Variants in NFASC observed in about 807,000 individuals in gnomAD.
NFASC encodes neurofascin.
In NFASC, 43 loss-of-function variants were observed where a neutral mutation model predicts 147.5. The observed-to-expected ratio is 0.29, with a 90% CI of 0.23 to 0.38. NFASC has a LOEUF of 0.38. Among genes scored for constraint, NFASC ranks in the 10% least tolerant of loss-of-function variants. NFASC has a pLI of 1.00. For missense variants in NFASC, 1,320 were observed against 1,689.0 expected (o/e 0.78, Z 3.83); for synonymous variants, 622 against 665.5 (o/e 0.93, Z 1.01).
In NFASC at chr1:204,975,446, G is replaced by A. The variant is rs368589373; in HGVS notation, c.1706+28G>A. Reference sequence around the variant, plus strand: ...TTCTCTTCCCCCTTCCCCCTTCCTAGTGCTAGTTTGAGGCGCATTTTCTTT... The same window carrying A: ...TTCTCTTCCCCCTTCCCCCTTCCTAATGCTAGTTTGAGGCGCATTTTCTTT... On this transcript the variant is annotated intron_variant, in intron 15 of 29. Transcript: ENST00000339876. This position sits in a 1 kb window ranked among gnomAD's most constrained non-coding sequence, Gnocchi z 4.0. The A allele has an allele frequency of 1.9e-6, 3 of 1,594,720 alleles. No homozygotes were observed. Among genetic ancestry groups the A allele is most frequent in the Middle Eastern group, 1.7e-4 (1 of 6,000 alleles).
intron 1 of NFASC, among the ~76,000 whole-genome samples, chr1:204,914,148 C>G (rs1437289214): frequency 2.6e-5 from 4 of 152,122 alleles, no homozygotes; most frequent in African/African-American, 9.7e-5. Flanking sequence ...AAAGAAGTTC[C>G]TTCAAACTGA....
At chr1:204,917,604 A>C (rs2089552805) in intron 1 of NFASC, among the ~76,000 whole-genome samples, 1 of 152,218 alleles carries the variant, frequency 6.6e-6, no homozygotes, top group Admixed American at 6.5e-5. Flanking sequence ...TCATAGATTT[A>C]AACACATTTG....
Position 204,922,096 on chromosome 1 carries a change from A to G in NFASC, c.-91+1356A>G, listed in dbSNP as rs114048345. Among the ~76,000 whole-genome samples the G allele has an allele frequency of 3.1e-3, 472 of 152,268 alleles. 2 individuals are homozygous for G. The highest frequency in any genetic ancestry group is 0.011 in the African/African-American group (453 of 41,544). ...GTATGATTGCAAAAGCGGTGTACCC[A>G]TTTATTTAAACGGGTACGAAGTATA... On this transcript the variant is annotated intron_variant, in intron 2 of 29. Transcript: ENST00000339876.
At chr1:204,844,554 C>T (rs1676394157) in intron 1 of NFASC, among the ~76,000 whole-genome samples, 1 of 152,164 alleles carries the variant, frequency 6.6e-6, no homozygotes, top group African/African-American at 2.4e-5. Context: ...GCCAGGCATC[C>T]ATGCATGGTA....
At chr1:204,835,901 T>C (rs914062438) in intron 1 of NFASC, among the ~76,000 whole-genome samples, 1 of 152,188 alleles carries the variant, frequency 6.6e-6, no homozygotes, top group African/African-American at 2.4e-5. Flanking sequence ...ATTGATCAGA[T>C]GCTAAGTTTT....
chr1:204,980,173 C>G (rs911860837), intron 19 of NFASC, among the ~76,000 whole-genome samples, 197 bp from the exon 20 acceptor site: 1 of 152,244 alleles, frequency 6.6e-6, no homozygotes, highest in Admixed American at 6.5e-5. Context: ...TAGCCCTGCT[C>G]TGGGAGTTTA....
At chr1:204,944,028 C>G (rs1278945232) in intron 2 of NFASC, among the ~76,000 whole-genome samples, 198 bp from the exon 3 acceptor site, 1 of 152,194 alleles carries the variant, frequency 6.6e-6, no homozygotes, top group African/African-American at 2.4e-5. Context: ...AAACATCTTA[C>G]AATACCCAGG....
At chr1:204,831,481 GAGAC>G (rs1672217221) in intron 1 of NFASC, among the ~76,000 whole-genome samples, 1 of 151,870 alleles carries the variant, frequency 6.6e-6, no homozygotes, top group African/African-American at 2.4e-5. Context: ...TGGTGAGTGA[GAGAC>G]AGGATGCCAA....
chr1:204,926,330 G>GT (rs1247132992), intron 2 of NFASC, among the ~76,000 whole-genome samples: 4 of 131,936 alleles, frequency 3.0e-5, no homozygotes, highest in Admixed American at 8.1e-5. Context: ...AAGTATCACA[G>GT]TTTTTTTTCT....
intron 1 of NFASC, among the ~76,000 whole-genome samples, chr1:204,905,956 G>A (rs1558050113): frequency 6.6e-6 from 1 of 152,178 alleles, no homozygotes; most frequent in African/African-American, 2.4e-5. Context: ...TTGAATGAGT[G>A]TAAATTGGTT....
intron 1 of NFASC, among the ~76,000 whole-genome samples, chr1:204,875,053 A>G (rs952624445): frequency 4.0e-5 from 6 of 151,384 alleles, no homozygotes; most frequent in African/African-American, 1.5e-4. Context: ...AGGAAAGTCA[A>G]GATTTGAGTG....
At chr1:204,846,958 T>C (rs983492886) in intron 1 of NFASC, among the ~76,000 whole-genome samples, 6 of 151,338 alleles carry the variant, frequency 4.0e-5, no homozygotes, top group African/African-American at 1.5e-4. Flanking sequence ...TACGCGTGTG[T>C]GTGTGTGTGT....
rs2095083537 is a variant in NFASC at position 204,968,635 on chromosome 1, T to A, written c.819-163T>A. 2 of 665,096 alleles carry A rather than the reference T, an allele frequency of 3.0e-6. No homozygotes were observed. Among genetic ancestry groups the A allele is most frequent in the Non-Finnish European group, 2.5e-6 (1 of 394,530 alleles). 41.2% of individuals were successfully genotyped at this position (665,096 alleles called of 1,614,324 possible). On this transcript the variant is annotated intron_variant, in intron 9 of 29. Transcript: ENST00000339876. The surrounding 1 kb of genome is among the most constrained non-coding windows in gnomAD (Gnocchi z 5.4). ...CTTAGCTAAGCCTTCAGGCTCTCTG[T>A]GGCTGAGCATCCTCCTCTGCACAGG...
chr1:204,970,002 G>C (rs2150264715), intron 10 of NFASC, among the ~76,000 whole-genome samples: 2 of 151,630 alleles, frequency 1.3e-5, no homozygotes, highest in African/African-American at 4.8e-5. Context: ...CTTGAACCTG[G>C]GAGGCGGAAG....
At chr1:204,926,400 ATATATATTTTTTTTTTTTTTT>A (rs1436685849) in intron 2 of NFASC, among the ~76,000 whole-genome samples, 841 of 29,604 alleles carry the variant, frequency 0.028, 18 homozygotes, top group African/African-American at 0.054. Flanking sequence ...ATATATATAT[ATATATATTTTTTTTTTTTTTT>A]TTTTTTTTTT....
intron 2 of NFASC, among the ~76,000 whole-genome samples, chr1:204,920,949 G>A (rs1301799976): frequency 6.6e-6 from 1 of 152,186 alleles, no homozygotes; most frequent in Non-Finnish European, 1.5e-5. Context: ...AAGGAGGCTG[G>A]TGAGGGTAGC....
Position 204,944,215 on chromosome 1 carries a change from T to C in NFASC, c.-90-11T>C. The C allele has an allele frequency of 6.4e-7, 1 of 1,550,394 alleles. No homozygotes were observed. Among genetic ancestry groups the C allele is most frequent in the Non-Finnish European group, 8.7e-7 (1 of 1,149,826 alleles). ...TGAAAAACTCACTTGCTCTTATGTTTCTTTCCACAGCTGAGTGCTGTCCAG... is the reference window on the plus strand; with the variant it reads ...TGAAAAACTCACTTGCTCTTATGTTCCTTTCCACAGCTGAGTGCTGTCCAG... On this transcript the variant is annotated splice_polypyrimidine_tract_variant and intron_variant, in intron 2 of 29. Coordinates refer to ENST00000339876, the MANE Select transcript of NFASC (RefSeq NM_001005388.3).
At chr1:204,870,689 G>T (rs1279472863) in intron 1 of NFASC, 17 of 1,082,284 alleles carry the variant, frequency 1.6e-5, no homozygotes, top group Non-Finnish European at 1.8e-5. Context: ...GAGCAAGCCG[G>T]CCGAGGGAGG....
chr1:204,854,130 AGC>A (rs2075947067), intron 1 of NFASC, among the ~76,000 whole-genome samples: 1 of 147,988 alleles, frequency 6.8e-6, no homozygotes, highest in Non-Finnish European at 1.5e-5. Context: ...ATAGACTCTC[AGC>A]AAGAGCCAAA....
Sources: gnomAD v4.1 joint callset for allele counts (sites outside exome capture counted in the v4.1 genomes callset) on GRCh38, gnomAD v4.1.1 for gene constraint, Gnocchi (gnomAD v3.1) non-coding constraint, MANE v1.5 for transcripts, NCBI Gene and HGNC (gene_info 2026-07-23, HGNC 2026-07-21) for gene names.